CCDC116: variants seen among roughly 807,000 people sequenced by gnomAD.
The protein encoded by CCDC116 is coiled-coil domain containing 116, also known as coiled-coil domain-containing protein 116.
A neutral mutation model predicts 29.4 loss-of-function variants in CCDC116; 24 were observed. That is an observed-to-expected ratio of 0.82 (90% CI 0.59 to 1.15). CCDC116 has a LOEUF of 1.15. Among genes scored for constraint, CCDC116 ranks in the 50% most tolerant of loss-of-function variants. The pLI, the probability that CCDC116 is intolerant of heterozygous loss-of-function variation, is 0.00. For synonymous variants in CCDC116, 298 were observed against 331.4 expected, an observed-to-expected ratio of 0.90 and a Z score of 1.10; for missense variants, 791 against 804.0, an observed-to-expected ratio of 0.98 and a Z score of 0.20.
At chr22:21,635,308 C>T (rs1159216423) in intron 4 of CCDC116, 42 bp downstream of exon 4, 5 of 1,506,202 alleles carry the variant, frequency 3.3e-6, no homozygotes, top group Non-Finnish European at 4.5e-6. Flanking sequence ...GCCCCTCACT[C>T]CACTCCAGGG....
chr22:21,633,398 C>G (rs1022986913), intron 2 of CCDC116, 145 bp downstream of exon 2: 1 of 635,382 alleles, frequency 1.6e-6, no homozygotes, highest in Non-Finnish European at 2.7e-6. Flanking sequence ...TTGACTTCTC[C>G]TATGTCCCCC....
At chr22:21,633,294 C>T (rs770836037) in intron 2 of CCDC116, 41 bp downstream of exon 2, 3 of 1,472,906 alleles carry the variant, frequency 2.0e-6, no homozygotes, top group Non-Finnish European at 2.8e-6. Context: ...GAGGCCACAA[C>T]ATGTTCCCCA....
In CCDC116 at chr22:21,636,438, T is replaced by TGCA. The variant is rs779941333; in HGVS notation, c.1221_1223dup (p.Ser407dup). On this transcript the variant is annotated inframe_insertion, in exon 5 of 5. Transcript: ENST00000292779. ...CTCCCCGGCTGCTATGCAGAGCCCC[T>TGCA]GCAGCAGCAGCAGGTTCACGAAGAA... 4 of 1,612,214 alleles carry TGCA rather than the reference T, an allele frequency of 2.5e-6. No homozygotes were observed. In the African/African-American group the frequency reaches 5.3e-5, roughly 22 times the overall value.
At chr22:21,635,737 T>A in intron 4 of CCDC116, 1 of 607,828 alleles carries the variant, frequency 1.6e-6, no homozygotes, top group Non-Finnish European at 2.9e-6. Flanking sequence ...TGGGGGCCCA[T>A]GAATCCTGGC....
chr22:21,636,877 T>TG lies in CCDC116; in HGVS notation c.1650dup (p.Pro551AlafsTer34), dbSNP rs1360819063. The TG allele has an allele frequency of 1.1e-5, 17 of 1,613,578 alleles. No homozygotes were observed. Among genetic ancestry groups the TG allele is most frequent in the Middle Eastern group, 3.3e-4 (2 of 6,062 alleles). On this transcript the variant is annotated frameshift_variant, in exon 5 of 5. Transcript: ENST00000292779. LOFTEE classifies it low-confidence loss of function (END_TRUNC). ...CCCTGCCGCTCCCTCTACACCAACT[T>TG]GCCAGCCAGCCGGCAGCTCAGCCCT... is the stretch of plus-strand genomic sequence containing the variant.
chr22:21,632,796 A>ACTGG lies in CCDC116; in HGVS notation c.-92_-89dup, dbSNP rs1051019707. 6.4e-5 allele frequency: 25 copies of ACTGG among 390,542 alleles called. No homozygotes were observed. Among genetic ancestry groups the ACTGG allele is most frequent in the African/African-American group, 4.8e-4 (23 of 48,330 alleles). 24.2% of individuals were successfully genotyped at this position (390,542 alleles called of 1,614,324 possible). A position where few individuals can be genotyped will look rare whatever the true frequency, so the allele number is the denominator to read the frequency against. On this transcript the variant is annotated 5_prime_UTR_variant, in exon 1 of 5. Coordinates refer to ENST00000292779, the MANE Select transcript of CCDC116 (RefSeq NM_152612.3). Reference sequence around the variant, plus strand: ...CTGCTCCAGTGAGGGCGCAGACTGTACTGGCCTGTGCGGAGCAAGGCGGTG... The same window carrying ACTGG: ...CTGCTCCAGTGAGGGCGCAGACTGTACTGGCTGGCCTGTGCGGAGCAAGGCGGTG...
chr22:21,635,338 T>A (rs1218422034), intron 4 of CCDC116, 72 bp downstream of exon 4: 1 of 1,332,410 alleles, frequency 7.5e-7, no homozygotes, highest in Non-Finnish European at 1.0e-6. Context: ...CTGACTCAGA[T>A]CCCAAATTAC....
rs2303399 is a variant in CCDC116 at position 21,637,061 on chromosome 22, T to C, written c.1833T>C (p.Asp611=). The C allele has an allele frequency of 1.4e-3, 2,321 of 1,611,068 alleles. 33 individuals are homozygous for C. In the East Asian group the frequency reaches 0.036, roughly 25 times the overall value. The change falls in exon 5 of 5, where the codon GAT becomes GAC. Residue 611 remains aspartate (D), a synonymous_variant. Coordinates refer to ENST00000292779, the MANE Select transcript of CCDC116 (RefSeq NM_152612.3). ...ACCAGGATGAGGACAAGGATGAGGATGGAGTCTAGAGCCTCCCAGAGCCTG... is the reference window on the plus strand; with the variant it reads ...ACCAGGATGAGGACAAGGATGAGGACGGAGTCTAGAGCCTCCCAGAGCCTG... ...DEDQDEDKDE[D]GV
Position 21,634,714 on chromosome 22 carries a change from G to T in CCDC116, c.651G>T (p.Arg217Ser). 6.2e-7 allele frequency: 1 copy of T among 1,610,416 alleles called. No homozygotes were observed. The change falls in exon 4 of 5, where the codon AGG becomes AGT. Residue 217 changes from arginine to serine, a missense_variant. Arg to Ser is a moderately radical substitution (Grantham distance 110, BLOSUM62 -1). Coordinates refer to ENST00000292779, the MANE Select transcript of CCDC116 (RefSeq NM_152612.3). ...GKGLSQSCSQ[R>S]DSLLWDSLGS... ...GCCTCAGTCAGTCCTGCTCCCAGAG[G>T]GACTCCCTGCTGTGGGATTCGCTGG...
At chr22:21,635,786 T>A in intron 4 of CCDC116, 1 of 586,956 alleles carries the variant, frequency 1.7e-6, no homozygotes, top group Non-Finnish European at 3.0e-6. Flanking sequence ...AAATAAAGGC[T>A]ATTTTTTATG....
chr22:21,636,121 G>A (rs546760114), intron 4 of CCDC116, among the ~76,000 whole-genome samples: 3 of 152,228 alleles, frequency 2.0e-5, no homozygotes, highest in Non-Finnish European at 2.9e-5. Context: ...CCCAAACCCA[G>A]TTGTCAAGGC....
rs1340368022 is a variant in CCDC116, at chr22:21,634,716, A to T, written c.653A>T (p.Asp218Val). ...KGLSQSCSQRDSLLWDSLGSQ... is the reference protein window; with the variant it reads ...KGLSQSCSQRVSLLWDSLGSQ... ...CTCAGTCAGTCCTGCTCCCAGAGGG[A>T]CTCCCTGCTGTGGGATTCGCTGGGT... The change falls in exon 4 of 5, where the codon GAC becomes GTC. Residue 218 changes from aspartate to valine, a missense_variant. Transcript: ENST00000292779. The T allele has an allele frequency of 3.1e-6, 5 of 1,610,368 alleles. No individual in the cohort carries two copies. The African/African-American group carries it at 5.4e-5, about 17-fold the overall frequency.
chr22:21,634,008 A>T lies in CCDC116; in HGVS notation c.73-14A>T, dbSNP rs991304569. 1.3e-6 allele frequency: 2 copies of T among 1,588,922 alleles called. No homozygotes were observed. Among genetic ancestry groups the T allele is most frequent in the Admixed American group, 3.4e-5 (2 of 58,142 alleles). ...AGGGCACCCCTGCCCCCTGTGACAT[A>T]CCTGTCTGCTCAGGTGCAGCTGCCC... On this transcript the variant is annotated splice_polypyrimidine_tract_variant and intron_variant, in intron 2 of 4. Coordinates refer to ENST00000292779, the MANE Select transcript of CCDC116 (RefSeq NM_152612.3).
Position 21,634,503 on chromosome 22 carries a change from C to A in CCDC116, c.554C>A (p.Pro185Gln). 1 of 1,613,900 alleles carries A rather than the reference C, an allele frequency of 6.2e-7. No individual in the cohort carries two copies. The highest frequency in any genetic ancestry group is 8.5e-7 in the Non-Finnish European group (1 of 1,179,808). ...GACCTAGGTGCCCAAGGCTCATTGC[C>A]ACCTGTGAGGGACAAACTCCTGCTG... Reference protein sequence around the residue: ...DSDLGAQGSLPPVRDKLLLEK... With the variant: ...DSDLGAQGSLQPVRDKLLLEK... Residue 185 changes from proline to glutamine, a missense_variant, in exon 3 of 5, where the codon CCA becomes CAA. Physicochemically the swap from Pro to Gln is moderately conservative, Grantham distance 76 (BLOSUM62 -1). Transcript: ENST00000292779.
chr22:21,633,956 T>A, intron 2 of CCDC116, 66 bp from the exon 3 acceptor site: 1 of 1,470,708 alleles, frequency 6.8e-7, no homozygotes. Context: ...CAGGTCCTAG[T>A]GTTACCCCAG....
chr22:21,634,525 G>T lies in CCDC116; in HGVS notation c.576G>T (p.Leu192=). The change falls in exon 3 of 5, where the codon CTG becomes CTT. Residue 192 remains leucine, a synonymous_variant. Transcript: ENST00000292779. ...TGCCACCTGTGAGGGACAAACTCCT[G>T]CTGGAGAAGAACCTCAAGCGGCTGC... ...GSLPPVRDKL[L]LEKNLKRLLQ... 1 of 1,611,640 alleles carries T rather than the reference G, an allele frequency of 6.2e-7. No individual in the cohort carries two copies.
Position 21,634,719 on chromosome 22 carries a change from C to G in CCDC116, c.656C>G (p.Ser219Cys), listed in dbSNP as rs76336942. ...GLSQSCSQRD[S>C]LLWDSLGSQT... The stretch of plus-strand genomic sequence containing the variant: ...AGTCAGTCCTGCTCCCAGAGGGACT[C>G]CCTGCTGTGGGATTCGCTGGGTAGC... The change falls in exon 4 of 5, where the codon TCC becomes TGC. Residue 219 changes from serine to cysteine, a missense_variant. Physicochemically the swap from Ser to Cys is moderately radical, Grantham distance 112. Coordinates refer to ENST00000292779, the MANE Select transcript of CCDC116 (RefSeq NM_152612.3). The G allele has an allele frequency of 0.013, 21,226 of 1,611,062 alleles. 262 individuals carry two copies. Among genetic ancestry groups the G allele is most frequent in the East Asian group, 0.031 (1,411 of 44,802 alleles).
rs745623899 is a variant in CCDC116 at position 21,634,177 on chromosome 22, CCTAA to C, written c.231_234del (p.Thr78ArgfsTer22). ...AGCCCTTTGGCCACTTTCTGGATTT[CCTAA>C]CTGAGAGCCAGGTCCTGGACAGCCT... On this transcript the variant is annotated frameshift_variant, in exon 3 of 5. Transcript: ENST00000292779. LOFTEE classifies it high-confidence loss of function. 38 of 1,614,154 alleles carry C rather than the reference CCTAA, an allele frequency of 2.4e-5. No homozygotes were observed. The highest frequency in any genetic ancestry group is 4.0e-5 in the African/African-American group (3 of 74,954).
chr22:21,636,890 G>A lies in CCDC116; in HGVS notation c.1662G>A (p.Arg554=). ...RSLYTNLPAS[R]QLSPLEPKLY... ...TCTACACCAACTTGCCAGCCAGCCG[G>A]CAGCTCAGCCCTTTGGAGCCCAAGC... The change falls in exon 5 of 5, where the codon CGG becomes CGA. Residue 554 remains arginine, a synonymous_variant. Coordinates refer to ENST00000292779, the MANE Select transcript of CCDC116 (RefSeq NM_152612.3). 1 of 1,613,738 alleles carries A rather than the reference G, an allele frequency of 6.2e-7. No individual in the cohort carries two copies. Among genetic ancestry groups the A allele is most frequent in the East Asian group, 2.2e-5 (1 of 44,878 alleles).
Sources: gnomAD v4.1 joint callset for allele counts (sites outside exome capture counted in the v4.1 genomes callset) on GRCh38, gnomAD v4.1.1 for gene constraint, MANE v1.5 for transcripts, NCBI Gene and HGNC (gene_info 2026-07-23, HGNC 2026-07-21) for gene names.